The following ZNF385D variants were observed in gnomAD, a reference collection of about 807,000 sequenced individuals.
ZNF385D encodes zinc finger protein 659.
ZNF385D carries 15 observed loss-of-function variants against 35.8 expected under a neutral mutation model. The observed-to-expected ratio is 0.42, with a 90% CI of 0.28 to 0.64. The LOEUF is 0.64. ZNF385D is among the 30% of genes least tolerant of loss of function. The pLI, the probability that ZNF385D is intolerant of heterozygous loss-of-function variation, is 0.23. For synonymous variants in ZNF385D, 212 were observed against 186.8 expected (o/e 1.13, Z -1.10); for missense variants, 474 against 494.6 (o/e 0.96, Z 0.39).
At chr3:22,116,756 G>T (rs1702831379) in intron 3 of ZNF385D, among the ~76,000 whole-genome samples, 1 of 151,856 alleles carries the variant, frequency 6.6e-6, no homozygotes, top group Non-Finnish European at 1.5e-5. Flanking sequence ...ATTCCACAAA[G>T]CCTAGCATAT....
intron 3 of ZNF385D, among the ~76,000 whole-genome samples, chr3:21,756,476 A>G (rs978546387): frequency 4.6e-5 from 7 of 152,138 alleles, no homozygotes; most frequent in Non-Finnish European, 8.8e-5. Context: ...GAAATGTTTC[A>G]TAGTAGTTTG....
At chr3:21,620,058 T>C (rs1209301478) in intron 2 of ZNF385D, among the ~76,000 whole-genome samples, 1 of 152,190 alleles carries the variant, frequency 6.6e-6, no homozygotes, top group Non-Finnish European at 1.5e-5. Context: ...TATGATTAAC[T>C]GGACTAAAAG....
chr3:22,360,517 AATAAT>A (rs1696364059), intron 2 of ZNF385D, among the ~76,000 whole-genome samples: 1 of 151,960 alleles, frequency 6.6e-6, no homozygotes, highest in African/African-American at 2.4e-5. Context: ...TCCAAATTTT[AATAAT>A]ATATTAATTT....
chr3:21,533,458 C>A (rs533911210), intron 3 of ZNF385D, among the ~76,000 whole-genome samples: 7 of 152,146 alleles, frequency 4.6e-5, no homozygotes, highest in African/African-American at 1.7e-4. Flanking sequence ...AGCAATGTTC[C>A]ATTAATCCTA....
At chr3:22,325,829 C>A (rs1038185619) in intron 2 of ZNF385D, among the ~76,000 whole-genome samples, 1 of 141,282 alleles carries the variant, frequency 7.1e-6, no homozygotes, top group African/African-American at 2.5e-5. Flanking sequence ...CAAAAAGAAT[C>A]ACATTTTTTT....
intron 3 of ZNF385D, among the ~76,000 whole-genome samples, chr3:22,030,274 T>TATATATATAC (rs1697873278): frequency 5.8e-5 from 5 of 86,790 alleles, no homozygotes; most frequent in African/African-American, 1.1e-4. Context: ...TATATATATA[T>TATATATATAC]ATATATATAT....
chr3:21,895,960 T>C (rs896145382), intron 3 of ZNF385D, among the ~76,000 whole-genome samples: 1 of 152,178 alleles, frequency 6.6e-6, no homozygotes, highest in African/African-American at 2.4e-5. Context: ...TGTCAAATGA[T>C]GTCACCAAAA....
intron 3 of ZNF385D, among the ~76,000 whole-genome samples, chr3:22,152,771 G>T (rs1443890531): frequency 6.6e-6 from 1 of 152,076 alleles, no homozygotes; most frequent in Admixed American, 6.5e-5. Flanking sequence ...GCCAAGTTAG[G>T]CAACATATTC....
At chr3:22,274,049 A>G (rs572480519) in intron 2 of ZNF385D, among the ~76,000 whole-genome samples, 1 of 151,958 alleles carries the variant, frequency 6.6e-6, no homozygotes, top group Non-Finnish European at 1.5e-5. Context: ...CAATATTTCT[A>G]TTTACCTTAT....
At chr3:21,724,471 G>GA (rs2068669327) in intron 1 of ZNF385D, among the ~76,000 whole-genome samples, 1 of 36,576 alleles carries the variant, frequency 2.7e-5, no homozygotes, top group Non-Finnish European at 4.8e-5. Flanking sequence ...CAAGCAAATG[G>GA]AAAGCCAAAA....
intron 3 of ZNF385D, among the ~76,000 whole-genome samples, chr3:21,859,502 T>G (rs987860129): frequency 6.6e-6 from 1 of 151,960 alleles, no homozygotes; most frequent in Non-Finnish European, 1.5e-5. Flanking sequence ...TCCACTCTCT[T>G]TGCTCTGATC....
intron 2 of ZNF385D, among the ~76,000 whole-genome samples, chr3:22,332,853 A>G (rs2125463139): frequency 6.6e-6 from 1 of 152,118 alleles, no homozygotes; most frequent in East Asian, 1.9e-4. Context: ...ATACTGTTAA[A>G]TGTAGTAGTT....
chr3:22,264,626 A>G (rs1477498511), intron 2 of ZNF385D, among the ~76,000 whole-genome samples: 1 of 151,930 alleles, frequency 6.6e-6, no homozygotes, highest in East Asian at 1.9e-4. Context: ...TGAAATATTA[A>G]TATATATTTA....
chr3:21,903,159 G>A (rs1028824627), intron 3 of ZNF385D, among the ~76,000 whole-genome samples: 1 of 152,078 alleles, frequency 6.6e-6, no homozygotes, highest in East Asian at 1.9e-4. Flanking sequence ...AAATCTCCCG[G>A]TCATCTTTCT....
intron 3 of ZNF385D, among the ~76,000 whole-genome samples, chr3:21,775,041 C>G (rs2125622130): frequency 6.6e-6 from 1 of 151,876 alleles, no homozygotes; most frequent in South Asian, 2.1e-4. Flanking sequence ...GGTATAAGTA[C>G]AAATGACATA....
chr3:21,814,457 C>T (rs2073062053), intron 3 of ZNF385D, among the ~76,000 whole-genome samples: 2 of 152,084 alleles, frequency 1.3e-5, no homozygotes, highest in Non-Finnish European at 2.9e-5. Context: ...TGCAGAGACA[C>T]AGATAGGCTC....
At chr3:21,472,700 A>C (rs865943305) in intron 4 of ZNF385D, among the ~76,000 whole-genome samples, 16 of 152,184 alleles carry the variant, frequency 1.1e-4, no homozygotes, top group African/African-American at 3.9e-4. Context: ...AGCTTCAGCC[A>C]ATCACAGGCT....
chr3:22,112,446 G>A (rs1404861778), intron 3 of ZNF385D, among the ~76,000 whole-genome samples: 1 of 151,956 alleles, frequency 6.6e-6, no homozygotes, highest in African/African-American at 2.4e-5. Context: ...TGACAGCGGT[G>A]GGTGACAGCA....
chr3:21,794,499 C>G (rs2072065011), intron 3 of ZNF385D, among the ~76,000 whole-genome samples: 1 of 152,104 alleles, frequency 6.6e-6, no homozygotes, highest in Non-Finnish European at 1.5e-5. Context: ...GAAGTTATTT[C>G]TCACAGTTCT....
Sources: gnomAD v4.1 joint callset for allele counts (sites outside exome capture counted in the v4.1 genomes callset) on GRCh38, gnomAD v4.1.1 for gene constraint, MANE v1.5 for transcripts, NCBI Gene and HGNC (gene_info 2026-07-23, HGNC 2026-07-21) for gene names.